Variants in PCDH15 observed in about 807,000 individuals in gnomAD.
PCDH15 encodes the protein protocadherin related 15.
A neutral mutation model predicts 178.5 loss-of-function variants in PCDH15; 129 were observed. The ratio of observed to expected loss-of-function variants is 0.72; its 90% CI spans 0.63 to 0.84. PCDH15 has a LOEUF of 0.84. PCDH15 is among the 40% of genes least tolerant of loss of function. The pLI, the probability that PCDH15 is intolerant of heterozygous loss-of-function variation, is 0.00. For synonymous variants in PCDH15, 800 were observed against 732.0 expected, an observed-to-expected ratio of 1.09 and a Z score of -1.50; for missense variants, 2,230 against 2,099.9, an observed-to-expected ratio of 1.06 and a Z score of -1.21.
rs918935683 is a variant in PCDH15 at position 53,938,924 on chromosome 10, A to C, written c.3264T>G (p.Val1088=). The change falls in exon 25 of 38, where the codon GTT becomes GTG. Residue 1088 remains valine (V), a synonymous_variant. Coordinates refer to ENST00000644397, the MANE Select transcript of PCDH15 (RefSeq NM_001384140.1). ...DTFGINNITG[V]IYVNGPLDYE... ...AATCCAGAGGTCCATTCACATAGAT[A>C]ACACCTGTGATGTTATTAATTCCAA... The C allele has an allele frequency of 6.2e-7, 1 of 1,613,046 alleles. No individual in the cohort carries two copies. The highest frequency in any genetic ancestry group is 8.5e-7 in the Non-Finnish European group (1 of 1,179,166).
intron 2 of PCDH15, among the ~76,000 whole-genome samples, chr10:55,034,666 A>G (rs1044131978): frequency 6.6e-6 from 1 of 152,174 alleles, no homozygotes; most frequent in African/African-American, 2.4e-5. Context: ...AAAAACTAAT[A>G]AGAATAAATA....
intron 15 of PCDH15, among the ~76,000 whole-genome samples, chr10:54,122,781 A>T (rs2041659243): frequency 6.6e-6 from 1 of 151,982 alleles, no homozygotes; most frequent in South Asian, 2.1e-4. Context: ...AACACAATTC[A>T]ATTTACAACA....
chr10:53,825,188 G>A (rs766850969), intron 32 of PCDH15: 44 of 1,515,690 alleles, frequency 2.9e-5, no homozygotes, highest in East Asian at 2.2e-4. Context: ...TAGAAAAAAA[G>A]AAGTTTTTAC....
chr10:54,195,543 A>T, intron 11 of PCDH15, 140 bp downstream of exon 11: 1 of 694,160 alleles, frequency 1.4e-6, no homozygotes, highest in Non-Finnish European at 2.4e-6. Context: ...TTTTGGAATT[A>T]AATTATAACA....
chr10:54,156,574 A>G (rs2045174719), intron 13 of PCDH15, among the ~76,000 whole-genome samples: 2 of 152,292 alleles, frequency 1.3e-5, no homozygotes, highest in South Asian at 4.1e-4. Flanking sequence ...TCCTCCCACA[A>G]CACGTGGGAA....
chr10:54,177,682 G>T (rs1033357718), intron 13 of PCDH15, among the ~76,000 whole-genome samples: 5 of 152,088 alleles, frequency 3.3e-5, no homozygotes, highest in Admixed American at 3.3e-4. Flanking sequence ...GATGTATGCA[G>T]GTAAAGCAGA....
At chr10:54,747,062 G>A (rs903040391) in intron 1 of PCDH15, among the ~76,000 whole-genome samples, 3 of 152,200 alleles carry the variant, frequency 2.0e-5, no homozygotes, top group East Asian at 1.9e-4. Flanking sequence ...ACCAGTTGTG[G>A]AATGTCCTCT....
intron 2 of PCDH15, among the ~76,000 whole-genome samples, chr10:55,507,553 T>G (rs1840786020): frequency 6.6e-6 from 1 of 151,718 alleles, no homozygotes; most frequent in South Asian, 2.1e-4. Context: ...TCTTTTTAAT[T>G]TTTTAATTTT....
upstream of PCDH15, among the ~76,000 whole-genome samples, chr10:55,320,490 G>C (rs532894999): frequency 2.6e-4 from 40 of 152,300 alleles, no homozygotes; most frequent in East Asian, 7.0e-3. Context: ...CTGTGTAAAA[G>C]AGCAAAGTTC....
At chr10:54,895,205 G>A (rs1440775858) in intron 3 of PCDH15, among the ~76,000 whole-genome samples, 1 of 152,056 alleles carries the variant, frequency 6.6e-6, no homozygotes, top group Non-Finnish European at 1.5e-5. Flanking sequence ...TTGGATTGTG[G>A]CTACTCATAA....
chr10:54,575,683 A>T (rs2090400424), intron 2 of PCDH15, among the ~76,000 whole-genome samples: 1 of 151,916 alleles, frequency 6.6e-6, no homozygotes, highest in Non-Finnish European at 1.5e-5. Context: ...ATTTTTCAAT[A>T]TATGAAAGAA....
chr10:55,608,125 A>G (rs1323618539), intron 2 of PCDH15, among the ~76,000 whole-genome samples: 1 of 152,052 alleles, frequency 6.6e-6, no homozygotes, highest in Non-Finnish European at 1.5e-5. Flanking sequence ...GATTACACAT[A>G]GAGTACAAAC....
chr10:55,596,694 TA>T (rs530201317), intron 2 of PCDH15, among the ~76,000 whole-genome samples: 1 of 152,332 alleles, frequency 6.6e-6, no homozygotes, highest in Admixed American at 6.5e-5. Context: ...TTGCCATATT[TA>T]AAAATTATAA....
intron 1 of PCDH15, among the ~76,000 whole-genome samples, chr10:55,283,774 G>T (rs1027513566): frequency 6.6e-6 from 1 of 151,678 alleles, no homozygotes; most frequent in South Asian, 2.1e-4. Flanking sequence ...GGTTATGTTT[G>T]CCTTCTAATA....
chr10:53,826,442 T>C (rs2076685281), intron 32 of PCDH15, among the ~76,000 whole-genome samples: 1 of 152,050 alleles, frequency 6.6e-6, no homozygotes, highest in African/African-American at 2.4e-5. Context: ...TTATTGCTAC[T>C]AGTAACTGAT....
At chr10:54,842,681 G>A (rs10458671) in intron 3 of PCDH15, among the ~76,000 whole-genome samples, 150,603 of 151,938 alleles carry the variant, frequency 0.99, 74,657 homozygotes, top group Middle Eastern at 1. Context: ...TCCAATTTAT[G>A]TAACTACAAC....
intron 1 of PCDH15, among the ~76,000 whole-genome samples, chr10:55,223,255 G>T (rs557810420): frequency 6.6e-6 from 1 of 152,198 alleles, no homozygotes; most frequent in East Asian, 1.9e-4. Flanking sequence ...AGAGGCTATT[G>T]CCAATAAGTT....
intron 3 of PCDH15, among the ~76,000 whole-genome samples, chr10:54,502,604 A>C (rs1420738246): frequency 1.3e-5 from 2 of 152,144 alleles, no homozygotes; most frequent in Non-Finnish European, 1.5e-5. Context: ...TGCATGACAC[A>C]GAGTTTATGG....
At chr10:54,743,678 C>A (rs887785612) in intron 1 of PCDH15, among the ~76,000 whole-genome samples, 12 of 151,972 alleles carry the variant, frequency 7.9e-5, no homozygotes, top group Non-Finnish European at 2.9e-5. Context: ...TAGTTTCCAA[C>A]ATAATATAGA....
Sources: allele counts gnomAD v4.1 joint callset (sites outside exome capture counted in the v4.1 genomes callset), GRCh38; gene constraint gnomAD v4.1.1; transcripts MANE v1.5; gene names NCBI Gene and HGNC (gene_info 2026-07-23, HGNC 2026-07-21).